Variants in YTHDC2 observed in about 807,000 individuals in gnomAD.
YTHDC2 encodes YTH N6-methyladenosine RNA binding protein C2, also known as 3'-5' RNA helicase YTHDC2.
In YTHDC2, 45 loss-of-function variants were observed where a neutral mutation model predicts 174.9. The observed-to-expected ratio is 0.26, with a 90% CI of 0.20 to 0.33. The LOEUF is 0.33. YTHDC2 is among the 10% of genes least tolerant of loss of function. YTHDC2 has a pLI of 1.00. For missense variants in YTHDC2, 1,650 were observed against 1,723.7 expected (o/e 0.96, Z 0.76); for synonymous variants, 657 against 574.5 (o/e 1.14, Z -2.05).
intron 5 of YTHDC2, 142 bp downstream of exon 5, chr5:113,533,187 A>G: frequency 1.1e-6 from 1 of 874,766 alleles, no homozygotes; most frequent in Non-Finnish European, 1.7e-6. Context: ...TATTAAAGTC[A>G]TGTCTAAATC....
chr5:113,581,058 C>T (rs1386005833), intron 24 of YTHDC2, among the ~76,000 whole-genome samples: 1 of 152,066 alleles, frequency 6.6e-6, no homozygotes, highest in Admixed American at 6.6e-5. Context: ...TCTGTGAATC[C>T]AGCTGCCTTC....
chr5:113,525,028 A>G lies in YTHDC2; in HGVS notation c.326A>G (p.Glu109Gly). The change falls in exon 3 of 30, where the codon GAA becomes GGA. Residue 109 changes from glutamate (E) to glycine (G), a missense_variant. Coordinates refer to ENST00000161863, the MANE Select transcript of YTHDC2 (RefSeq NM_022828.5). ...ACTGTGAAGAAGAAAGATGGATCAG[A>G]AACAGCTCATGCAATGATGACCTGT... is the stretch of plus-strand genomic sequence containing the variant. Reference protein sequence around the residue: ...YLTVKKKDGSETAHAMMTCNL... With the variant: ...YLTVKKKDGSGTAHAMMTCNL... 6.2e-7 allele frequency: 1 copy of G among 1,610,356 alleles called. No individual in the cohort carries two copies. The highest frequency in any genetic ancestry group is 2.2e-5 in the East Asian group (1 of 44,638).
At chr5:113,552,337 C>T (rs748603109) in intron 12 of YTHDC2, among the ~76,000 whole-genome samples, 8 of 152,016 alleles carry the variant, frequency 5.3e-5, no homozygotes, top group African/African-American at 1.2e-4. Context: ...CTCCCTATTC[C>T]GCCCCAACTC....
intron 7 of YTHDC2, among the ~76,000 whole-genome samples, chr5:113,536,265 C>G (rs1427464879): frequency 6.6e-6 from 1 of 152,226 alleles, no homozygotes; most frequent in Non-Finnish European, 1.5e-5. Flanking sequence ...GGGGCTCACG[C>G]CTGTAATCCC....
At chr5:113,581,818 TC>T (rs1186493026) in intron 25 of YTHDC2, 109 bp downstream of exon 25, 5 of 965,214 alleles carry the variant, frequency 5.2e-6, no homozygotes, top group Non-Finnish European at 6.9e-6. Context: ...TTTTTTATAA[TC>T]TAAGATCCAT....
In YTHDC2 at chr5:113,564,022, C is replaced by G; in HGVS notation, c.2606C>G (p.Pro869Arg). 2 of 1,614,092 alleles carry G rather than the reference C, an allele frequency of 1.2e-6. No individual in the cohort carries two copies. The highest frequency in any genetic ancestry group is 1.6e-4 in the Middle Eastern group (1 of 6,062). Residue 869 changes from proline (P) to arginine (R), a missense_variant, in exon 20 of 30, where the codon CCT becomes CGT. Physicochemically the swap from Pro to Arg is moderately radical, Grantham distance 103. Transcript: ENST00000161863. Reference protein sequence around the residue: ...TIACTLAYRDPFVLPTQASQK... With the variant: ...TIACTLAYRDRFVLPTQASQK... ...GCTTGCACACTAGCTTATCGAGATC[C>G]TTTTGTACTACCTACTCAGGCCTCT...
At chr5:113,576,022 G>A (rs570793183) in intron 23 of YTHDC2, among the ~76,000 whole-genome samples, 74 of 152,256 alleles carry the variant, frequency 4.9e-4, no homozygotes, top group African/African-American at 1.6e-3. Context: ...TTCAGAAAAC[G>A]AAGGAGCAAG....
At chr5:113,552,107 A>C (rs898628633) in intron 12 of YTHDC2, among the ~76,000 whole-genome samples, 11 of 152,162 alleles carry the variant, frequency 7.2e-5, no homozygotes, top group African/African-American at 2.7e-4. Context: ...ATAGTAGTAA[A>C]CAATTAGATA....
intron 26 of YTHDC2, 105 bp downstream of exon 26, chr5:113,584,584 C>G: frequency 9.6e-7 from 1 of 1,047,054 alleles, no homozygotes; most frequent in Non-Finnish European, 1.4e-6. Flanking sequence ...TAATTGTGGC[C>G]TCTTCTAGAT....
chr5:113,530,953 G>A (rs910797317), intron 4 of YTHDC2, among the ~76,000 whole-genome samples: 1 of 152,180 alleles, frequency 6.6e-6, no homozygotes, highest in African/African-American at 2.4e-5. Flanking sequence ...GTTTTGCAAG[G>A]TACAGAATTC....
intron 8 of YTHDC2, among the ~76,000 whole-genome samples, chr5:113,540,311 T>C (rs1177407107): frequency 5.9e-5 from 9 of 152,196 alleles, no homozygotes; most frequent in African/African-American, 1.2e-4. Context: ...ACAATAGTTA[T>C]AACATGGATA....
intron 23 of YTHDC2, among the ~76,000 whole-genome samples, chr5:113,576,550 C>T (rs1778060544): frequency 2.0e-5 from 3 of 152,082 alleles, no homozygotes; most frequent in Non-Finnish European, 4.4e-5. Context: ...CATATTAGCA[C>T]CGTTAAGAGT....
At chr5:113,539,820 A>C (rs779066003) in intron 8 of YTHDC2, among the ~76,000 whole-genome samples, 2 of 152,104 alleles carry the variant, frequency 1.3e-5, no homozygotes, top group Non-Finnish European at 2.9e-5. Context: ...TGTAATCAGC[A>C]ATGCTGATTT....
In YTHDC2 at chr5:113,591,107, T is replaced by C. The variant is rs775325677; in HGVS notation, c.3892T>C (p.Leu1298=). 3 of 1,613,878 alleles carry C rather than the reference T, an allele frequency of 1.9e-6. No homozygotes were observed. The highest frequency in any genetic ancestry group is 2.2e-5 in the East Asian group (1 of 44,876). The part of the protein sequence containing the change: ...VRYFIMKSSN[L]RNLEISQQKG... The stretch of plus-strand genomic sequence containing the variant: ...ATACTTCATAATGAAGAGTAGCAAT[T>C]TGAGAAACCTTGAAATTTCTCAACA... The change falls in exon 27 of 30, where the codon TTG becomes CTG. Residue 1298 remains leucine (L), a synonymous_variant. Transcript: ENST00000161863.
chr5:113,554,608 C>A (rs1474756470), intron 16 of YTHDC2, among the ~76,000 whole-genome samples: 1 of 151,996 alleles, frequency 6.6e-6, no homozygotes, highest in Non-Finnish European at 1.5e-5. Context: ...CTCAGCTAGT[C>A]TACTTTTACC....
rs750326912 is a variant in YTHDC2 at position 113,581,709 on chromosome 5, G to C, written c.3647G>C (p.Arg1216Thr). 2 of 1,493,380 alleles carry C rather than the reference G, an allele frequency of 1.3e-6. No individual in the cohort carries two copies. The highest frequency in any genetic ancestry group is 2.8e-5 in the South Asian group (2 of 71,332). 92.5% of individuals were successfully genotyped at this position (1,493,380 alleles called of 1,614,324 possible). ...TCTGATGAGTGTACTACTGCAGAAA[G>C]GTAAATTTATGACATTTTACCAAAA... ...EFSDECTTAE[R>T]VLMKSPSPAL... The change falls in exon 25 of 30, where the codon AGA becomes ACA. Residue 1216 changes from arginine to threonine, a missense_variant and splice_region_variant. Physicochemically the swap from Arg to Thr is moderately conservative, Grantham distance 71 (BLOSUM62 -1). Around this residue, in one of 5 missense-constraint regions of YTHDC2, gnomAD observed 913 missense variants for 940.4 expected, o/e 0.97. Coordinates refer to ENST00000161863, the MANE Select transcript of YTHDC2 (RefSeq NM_022828.5).
intron 23 of YTHDC2, among the ~76,000 whole-genome samples, chr5:113,572,462 C>T (rs1198281654): frequency 6.6e-6 from 1 of 152,226 alleles, no homozygotes; most frequent in Non-Finnish European, 1.5e-5. Context: ...GTAGAGAGTT[C>T]TGTAGATATC....
chr5:113,591,211 G>C lies in YTHDC2; in HGVS notation c.3996G>C (p.Leu1332Phe), dbSNP rs1778987399. ...RAFWESSIVY[L>F]VFSVQGSGHF... ...TTTGGGAAAGCAGCATAGTTTACTT[G>C]GTATTTTCTGTTCAAGGATCTGGAC... Residue 1332 changes from leucine (L) to phenylalanine (F), a missense_variant, in exon 27 of 30, where the codon TTG becomes TTC. Physicochemically the swap from Leu to Phe is conservative, Grantham distance 22. This residue lies in a region of YTHDC2 where 913 missense variants were observed against 940.4 expected (regional missense o/e 0.97). Coordinates refer to ENST00000161863, the MANE Select transcript of YTHDC2 (RefSeq NM_022828.5). 1 of 1,613,832 alleles carries C rather than the reference G, an allele frequency of 6.2e-7. No homozygotes were observed. The highest frequency in any genetic ancestry group is 1.1e-5 in the South Asian group (1 of 91,068).
chr5:113,561,469 C>T lies in YTHDC2; in HGVS notation c.2322+284C>T, dbSNP rs1045828319. Among the ~76,000 whole-genome samples the T allele has an allele frequency of 6.4e-5, 8 of 125,684 alleles. No homozygotes were observed. The East Asian group carries it at 1.3e-3, about 20-fold the overall frequency. 82.5% of individuals were successfully genotyped at this position (125,684 alleles called of 152,430 possible). On this transcript the variant is annotated intron_variant, in intron 18 of 29. Coordinates refer to ENST00000161863, the MANE Select transcript of YTHDC2 (RefSeq NM_022828.5). ...TCTATCTATCTATCTATCTATCTAT[C>T]TATATTTTTTTTTTTTTGAGTCAGA...
Sources: allele counts gnomAD v4.1 joint callset (sites outside exome capture counted in the v4.1 genomes callset), GRCh38; gene constraint gnomAD v4.1.1; regional missense constraint gnomAD v4.1.1; transcripts MANE v1.5; gene names NCBI Gene and HGNC (gene_info 2026-07-23, HGNC 2026-07-21).